Variants in ROR1 observed in about 807,000 individuals in gnomAD.
ROR1 encodes the protein ROR family WNT receptor 1, also known as inactive tyrosine-protein kinase transmembrane receptor ROR1.
A neutral mutation model predicts 78.8 loss-of-function variants in ROR1; 19 were observed. The observed-to-expected ratio is 0.24, with a 90% confidence interval of 0.17 to 0.35. The LOEUF is 0.35. ROR1 is among the 10% of genes least tolerant of loss of function. The pLI is 1.00. For synonymous variants in ROR1, 386 were observed against 433.6 expected (o/e 0.89, Z 1.36); for missense variants, 917 against 1,177.8 (o/e 0.78, Z 3.24).
At chr1:64,079,440 C>T (rs1177334211) in intron 4 of ROR1, among the ~76,000 whole-genome samples, 2 of 151,764 alleles carry the variant, frequency 1.3e-5, no homozygotes, top group Non-Finnish European at 2.9e-5. Flanking sequence ...CAGGTTGTCC[C>T]ACTGTCTGAG....
chr1:63,987,382 T>C (rs563146050), intron 1 of ROR1, among the ~76,000 whole-genome samples: 1 of 152,354 alleles, frequency 6.6e-6, no homozygotes, highest in South Asian at 2.1e-4. Flanking sequence ...CTTATTCCAC[T>C]CTGTCACACT....
At chr1:63,951,625 C>T (rs962951177) in intron 1 of ROR1, among the ~76,000 whole-genome samples, 2 of 152,090 alleles carry the variant, frequency 1.3e-5, no homozygotes, top group Admixed American at 6.6e-5. Flanking sequence ...ATGAAGATGA[C>T]GTTCTGGGCT....
intron 1 of ROR1, among the ~76,000 whole-genome samples, chr1:63,983,377 G>A (rs1329813840): frequency 6.6e-6 from 1 of 152,160 alleles, no homozygotes; most frequent in Non-Finnish European, 1.5e-5. Context: ...GAATGGGGAG[G>A]ACTGTCTAGT....
At position 64,179,499 on chromosome 1, in the gene ROR1, T is replaced by G. The variant is rs1028930920; in HGVS notation, c.*644T>G. The G allele has an allele frequency of 1.3e-5, 2 of 152,418 alleles. No homozygotes were observed. Among genetic ancestry groups the G allele is most frequent in the African/African-American group, 4.8e-5 (2 of 41,436 alleles). 9.4% of individuals were successfully genotyped at this position (152,418 alleles called of 1,614,324 possible). A position where few individuals can be genotyped will look rare whatever the true frequency, so the allele number is the denominator to read the frequency against. ...GAGTGTGCCTTTTTGTGAATCCTCC[T>G]CTGATCATGAGGGTCTTTCCCACAG... On this transcript the variant is annotated 3_prime_UTR_variant, in exon 9 of 9. Coordinates refer to ENST00000371079, the MANE Select transcript of ROR1 (RefSeq NM_005012.4).
chr1:63,787,753 T>C (rs1355893602), intron 1 of ROR1, among the ~76,000 whole-genome samples: 1 of 152,222 alleles, frequency 6.6e-6, no homozygotes, highest in Non-Finnish European at 1.5e-5. Flanking sequence ...CTCAAAATCC[T>C]GGCCTCAAGT....
intron 4 of ROR1, among the ~76,000 whole-genome samples, chr1:64,054,530 A>G (rs576955167): frequency 5.9e-5 from 9 of 152,318 alleles, no homozygotes; most frequent in East Asian, 1.9e-4. Flanking sequence ...TAAAATTCCT[A>G]AAGTGATACT....
At chr1:64,064,048 A>T (rs1646937847) in intron 4 of ROR1, among the ~76,000 whole-genome samples, 1 of 152,234 alleles carries the variant, frequency 6.6e-6, no homozygotes, top group Admixed American at 6.5e-5. Context: ...CTACAGCATC[A>T]TCAGGATCCA....
At chr1:63,839,669 C>A (rs1274952365) in intron 1 of ROR1, among the ~76,000 whole-genome samples, 1 of 152,082 alleles carries the variant, frequency 6.6e-6, no homozygotes, top group Non-Finnish European at 1.5e-5. Context: ...CATTTCCTTG[C>A]AGGCTTTTTT....
chr1:63,905,267 A>G (rs1645519567), intron 1 of ROR1, among the ~76,000 whole-genome samples: 1 of 152,188 alleles, frequency 6.6e-6, no homozygotes, highest in African/African-American at 2.4e-5. Context: ...AGCAATGTGG[A>G]CACAAACTAT....
chr1:63,826,909 A>G (rs1284137653), intron 1 of ROR1, among the ~76,000 whole-genome samples: 1 of 152,030 alleles, frequency 6.6e-6, no homozygotes, highest in Non-Finnish European at 1.5e-5. Flanking sequence ...AGTGATGTTG[A>G]ACTTTTTTTC....
chr1:63,928,526 C>T (rs147879346), intron 1 of ROR1, among the ~76,000 whole-genome samples: 1 of 152,290 alleles, frequency 6.6e-6, no homozygotes, highest in Admixed American at 6.5e-5. Flanking sequence ...CCCAGTATCC[C>T]ACAAAATTCT....
chr1:63,999,683 A>G (rs777574720), intron 1 of ROR1, among the ~76,000 whole-genome samples: 2 of 152,204 alleles, frequency 1.3e-5, no homozygotes, highest in Non-Finnish European at 2.9e-5. Flanking sequence ...CTCAATAAAT[A>G]TTTGTTAGAT....
At chr1:64,153,906 C>G (rs1051004691) in intron 7 of ROR1, among the ~76,000 whole-genome samples, 2 of 152,092 alleles carry the variant, frequency 1.3e-5, no homozygotes, top group African/African-American at 4.8e-5. Flanking sequence ...GTATTTTTTA[C>G]AATTAAACAT....
chr1:63,871,758 A>G (rs1299900867), intron 1 of ROR1, among the ~76,000 whole-genome samples: 3 of 152,204 alleles, frequency 2.0e-5, no homozygotes, highest in African/African-American at 4.8e-5. Flanking sequence ...TCATTTTCCC[A>G]TGCTTATCCC....
Position 64,142,391 on chromosome 1 carries a change from T to A in ROR1, c.929-14T>A. On this transcript the variant is annotated splice_polypyrimidine_tract_variant and intron_variant, in intron 6 of 8. Coordinates refer to ENST00000371079, the MANE Select transcript of ROR1 (RefSeq NM_005012.4). ...GTTTCTTTCTAATTGTTTGGGTTTT[T>A]GTGTGTTTTTCAGATCACAAGTGTT... is the stretch of plus-strand genomic sequence containing the variant. The A allele has an allele frequency of 6.2e-7, 1 of 1,613,066 alleles. No individual in the cohort carries two copies.
In ROR1 at chr1:64,178,656, C is replaced by A; in HGVS notation, c.2615C>A (p.Pro872His). The A allele has an allele frequency of 6.2e-7, 1 of 1,614,110 alleles. No homozygotes were observed. Among genetic ancestry groups the A allele is most frequent in the East Asian group, 2.2e-5 (1 of 44,856 alleles). Residue 872 changes from proline (P) to histidine (H), a missense_variant, in exon 9 of 9, where the codon CCC becomes CAC. Pro to His is a moderately conservative substitution (Grantham distance 77). Coordinates refer to ENST00000371079, the MANE Select transcript of ROR1 (RefSeq NM_005012.4). The surrounding 1 kb of genome is among the most constrained non-coding windows in gnomAD (Gnocchi z 4.3). ...AGCACTGGCCATGTGACTAGCTTGC[C>A]CTCATCAGGATCCAATCAGGAAGCA... is the stretch of plus-strand genomic sequence containing the variant. Reference protein sequence around the residue: ...STSTGHVTSLPSSGSNQEANI... With the variant: ...STSTGHVTSLHSSGSNQEANI...
chr1:64,009,371 A>T lies in ROR1; in HGVS notation c.158A>T (p.Asn53Ile), dbSNP rs573668795. ...TCATGGAACATCTCAAGTGAACTCA[A>T]CAAAGGTACACAGTGGGGGCACACA... is the stretch of plus-strand genomic sequence containing the variant. ...TSSWNISSEL[N>I]KDSYLTLDEP... The change falls in exon 2 of 9, where the codon AAC becomes ATC. Residue 53 changes from asparagine to isoleucine, a missense_variant. By Grantham distance (149) the Asn-to-Ile change is moderately radical. Coordinates refer to ENST00000371079, the MANE Select transcript of ROR1 (RefSeq NM_005012.4). 3 of 1,612,256 alleles carry T rather than the reference A, an allele frequency of 1.9e-6. No homozygotes were observed. The South Asian group carries it at 3.3e-5, about 18-fold the overall frequency.
chr1:64,137,379 G>A lies in ROR1; in HGVS notation c.493G>A (p.Glu165Lys), dbSNP rs571667839. The A allele has an allele frequency of 7.4e-6, 12 of 1,613,978 alleles. No individual in the cohort carries two copies. In the Admixed American group the frequency reaches 8.3e-5, roughly 11 times the overall value. ...TASPGYSDEY[E>K]EDGFCQPYRG... ...TATGCTTTCTTTCAGAGATGAGTATGAAGAAGATGGATTCTGTCAGCCATA... is the reference window on the plus strand; with the variant it reads ...TATGCTTTCTTTCAGAGATGAGTATAAAGAAGATGGATTCTGTCAGCCATA... Residue 165 changes from glutamate (E) to lysine (K), a missense_variant, in exon 5 of 9, where the codon GAA (glutamate) becomes AAA (lysine). Physicochemically the swap from Glu to Lys is moderately conservative, Grantham distance 56. This residue lies in a region of ROR1 where 835 missense variants were observed against 1,069.8 expected (regional missense o/e 0.78). Transcript: ENST00000371079.
chr1:63,857,048 A>G (rs979972352), intron 1 of ROR1, among the ~76,000 whole-genome samples: 16 of 152,268 alleles, frequency 1.1e-4, no homozygotes, highest in Non-Finnish European at 2.4e-4. Context: ...AACACCTAAC[A>G]TAGACTCAGG....
Sources: allele counts gnomAD v4.1 joint callset (sites outside exome capture counted in the v4.1 genomes callset), GRCh38; gene constraint gnomAD v4.1.1; regional missense constraint gnomAD v4.1.1; non-coding constraint Gnocchi (gnomAD v3.1); transcripts MANE v1.5; gene names NCBI Gene and HGNC (gene_info 2026-07-23, HGNC 2026-07-21).